The following FAM220A variants were observed in gnomAD, a reference collection of about 807,000 sequenced individuals.
FAM220A encodes the protein protein FAM220A.
For synonymous variants in FAM220A, 141 were observed against 130.7 expected (o/e 1.08, Z -0.54); for missense variants, 392 against 321.6 (o/e 1.22, Z -1.68).
chr7:6,348,116 G>C (rs974893974), intron 1 of FAM220A, among the ~76,000 whole-genome samples: 1 of 150,974 alleles, frequency 6.6e-6, no homozygotes, highest in African/African-American at 2.4e-5. Flanking sequence ...CTCCGTGTTG[G>C]TCAGGCTGGT....
intron 1 of FAM220A, among the ~76,000 whole-genome samples, chr7:6,337,466 G>C (rs972247132): frequency 6.6e-6 from 1 of 151,798 alleles, no homozygotes; most frequent in Non-Finnish European, 1.5e-5. Context: ...ATATGGGACA[G>C]TGCTCAGAAA....
intron 1 of FAM220A, among the ~76,000 whole-genome samples, chr7:6,347,883 T>TTA (rs1781983746): frequency 2.7e-4 from 35 of 131,534 alleles, no homozygotes; most frequent in African/African-American, 9.0e-4. Flanking sequence ...ACGAGACCCC[T>TTA]TTATTATTAT....
intron 1 of FAM220A, among the ~76,000 whole-genome samples, chr7:6,334,153 T>C (rs1781701188): frequency 6.6e-6 from 1 of 150,860 alleles, no homozygotes; most frequent in African/African-American, 2.4e-5. Context: ...GCCGAACTCC[T>C]GGTCTCTTAA....
At chr7:6,335,908 C>T (rs1781735629) in intron 1 of FAM220A, among the ~76,000 whole-genome samples, 1 of 151,890 alleles carries the variant, frequency 6.6e-6, no homozygotes, top group Admixed American at 6.6e-5. Context: ...AGCAGTGGCT[C>T]ACACCTGTAA....
At chr7:6,335,901 A>G (rs1212941231) in intron 1 of FAM220A, among the ~76,000 whole-genome samples, 1 of 151,878 alleles carries the variant, frequency 6.6e-6, no homozygotes, top group Admixed American at 6.6e-5. Context: ...GGCCGGGAGC[A>G]GTGGCTCACA....
At chr7:6,339,236 G>A (rs760693479) in intron 1 of FAM220A, among the ~76,000 whole-genome samples, 28 of 152,156 alleles carry the variant, frequency 1.8e-4, no homozygotes, top group Non-Finnish European at 8.8e-5. Context: ...GGGAGGCCGA[G>A]GTGGGGAGAT....
rs1781600636 is a variant in FAM220A, at chr7:6,330,249, T to TGGC, written c.*125_*126insGCC. ...ATTTAAACTCAATTTACTTTAAGTC[T>TGGC]GCCAGGTCGTACAAAACTACAGCAG... On this transcript the variant is annotated 3_prime_UTR_variant, in exon 2 of 2. Coordinates refer to ENST00000313324, the MANE Select transcript of FAM220A (RefSeq NM_001037163.2). The TGGC allele has an allele frequency of 2.2e-6, 2 of 926,618 alleles. No individual in the cohort carries two copies. The highest frequency in any genetic ancestry group is 3.2e-6 in the Non-Finnish European group (2 of 620,016). The allele number at this position is 926,618 out of a possible 1,614,324, so 57.4% of individuals were successfully genotyped here.
At chr7:6,332,734 C>G (rs1023231798) in intron 1 of FAM220A, among the ~76,000 whole-genome samples, 1 of 152,102 alleles carries the variant, frequency 6.6e-6, no homozygotes. Context: ...AGCAGCAACA[C>G]TGAAAGGATC....
chr7:6,342,963 G>A (rs144164736), intron 1 of FAM220A, among the ~76,000 whole-genome samples: 68 of 152,020 alleles, frequency 4.5e-4, no homozygotes, highest in African/African-American at 1.6e-3. Context: ...CTTGAGTCCA[G>A]GAGCTGGAGG....
chr7:6,340,848 G>A (rs1212977430), intron 1 of FAM220A, among the ~76,000 whole-genome samples: 2 of 142,984 alleles, frequency 1.4e-5, no homozygotes, highest in South Asian at 2.2e-4. Context: ...GCAGTGAGCC[G>A]AGATGGCGCC....
At chr7:6,343,064 G>C (rs923098080) in intron 1 of FAM220A, among the ~76,000 whole-genome samples, 4 of 149,208 alleles carry the variant, frequency 2.7e-5, no homozygotes, top group African/African-American at 9.8e-5. Context: ...AAGAAAGAAA[G>C]AAAGAGGAAG....
chr7:6,344,511 C>T (rs1381114221), intron 1 of FAM220A, among the ~76,000 whole-genome samples: 2 of 152,094 alleles, frequency 1.3e-5, no homozygotes, highest in African/African-American at 4.8e-5. Flanking sequence ...CCTCCTCGAC[C>T]TTCTGGCCTC....
chr7:6,341,459 A>C (rs12702502), intron 1 of FAM220A, among the ~76,000 whole-genome samples: 2 of 142,438 alleles, frequency 1.4e-5, no homozygotes, highest in African/African-American at 5.7e-5. Flanking sequence ...TAATAATAAT[A>C]ATTATTATTA....
intron 1 of FAM220A, among the ~76,000 whole-genome samples, chr7:6,339,572 C>T (rs1324651428): frequency 2.0e-5 from 3 of 151,968 alleles, no homozygotes; most frequent in Non-Finnish European, 4.4e-5. Context: ...CAAGCTCCGC[C>T]TCCCAGGTTC....
chr7:6,331,479 T>C (rs1781634722), intron 1 of FAM220A, among the ~76,000 whole-genome samples: 1 of 151,780 alleles, frequency 6.6e-6, no homozygotes, highest in South Asian at 2.1e-4. Flanking sequence ...AGGTTTTTGT[T>C]TTTTTGAGAC....
At chr7:6,344,877 G>A (rs951045349) in intron 1 of FAM220A, among the ~76,000 whole-genome samples, 2 of 152,118 alleles carry the variant, frequency 1.3e-5, no homozygotes, top group African/African-American at 4.8e-5. Context: ...AAGTAGCTGG[G>A]ATGACAGGCG....
At chr7:6,337,279 C>T (rs949302120) in intron 1 of FAM220A, among the ~76,000 whole-genome samples, 3 of 152,026 alleles carry the variant, frequency 2.0e-5, no homozygotes, top group Non-Finnish European at 2.9e-5. Context: ...CTAGCCTTGC[C>T]AGCCCATTAA....
chr7:6,345,612 G>A (rs1781938098), intron 1 of FAM220A, among the ~76,000 whole-genome samples: 1 of 151,976 alleles, frequency 6.6e-6, no homozygotes, highest in Non-Finnish European at 1.5e-5. Flanking sequence ...CATGTAGCAG[G>A]TTTTCTCTTA....
rs1354349118 is a variant in FAM220A, at chr7:6,330,726, T to A, written c.429A>T (p.Gly143=). 6.2e-7 allele frequency: 1 copy of A among 1,613,996 alleles called. No individual in the cohort carries two copies. The highest frequency in any genetic ancestry group is 8.5e-7 in the Non-Finnish European group (1 of 1,180,018). ...GGPRATDGHR[G]QCPKGEPRVS... is the part of the protein sequence containing the mutation. ...CCCGAGGCTCTCCTTTGGGGCACTG[T>A]CCTCTGTGGCCGTCAGTGGCCCTGG... Residue 143 remains glycine, a synonymous_variant, in exon 2 of 2, where the codon GGA becomes GGT. Coordinates refer to ENST00000313324, the MANE Select transcript of FAM220A (RefSeq NM_001037163.2).
Sources: gnomAD v4.1 joint callset for allele counts (sites outside exome capture counted in the v4.1 genomes callset) on GRCh38, gnomAD v4.1.1 for gene constraint, MANE v1.5 for transcripts, NCBI Gene and HGNC (gene_info 2026-07-23, HGNC 2026-07-21) for gene names.